Variants in LAMA5 observed in about 807,000 individuals in gnomAD.
LAMA5 encodes laminin subunit alpha-5.
In LAMA5, 260 loss-of-function variants were observed where a neutral mutation model predicts 433.4. The ratio of observed to expected loss-of-function variants is 0.60; its 90% CI spans 0.54 to 0.66. LAMA5 has a LOEUF of 0.66. Ranked by LOEUF, LAMA5 falls within the 30% of genes least tolerant of loss-of-function variation. The pLI is 0.00. For missense variants in LAMA5, 5,378 were observed against 5,258.5 expected, an observed-to-expected ratio of 1.02 and a Z score of -0.70; for synonymous variants, 2,620 against 2,226.6, an observed-to-expected ratio of 1.18 and a Z score of -4.97.
At chr20:62,337,976 T>C (rs1568952450) in intron 14 of LAMA5, 38 bp from the exon 15 acceptor site, 1 of 1,596,658 alleles carries the variant, frequency 6.3e-7, no homozygotes, top group South Asian at 1.1e-5. Context: ...TGGCGCCATG[T>C]GGGTGGCAGA....
In LAMA5 at chr20:62,312,439, G is replaced by A. The variant is rs759232226; in HGVS notation, c.9321C>T (p.Asn3107=). 8 of 1,598,052 alleles carry A rather than the reference G, an allele frequency of 5.0e-6. No homozygotes were observed. In the Admixed American group the frequency reaches 1.2e-4, roughly 23 times the overall value. Residue 3107 remains asparagine, a synonymous_variant, in exon 68 of 80, where the codon AAC becomes AAT. Coordinates refer to ENST00000252999, the MANE Select transcript of LAMA5 (RefSeq NM_005560.6). ...LGKYVDLKRL[N]TTGVSAGCTA... is the part of the protein sequence containing the mutation. The stretch of plus-strand genomic sequence containing the variant: ...TGCAGCCGGCGCTCACGCCTGTCGT[G>A]TTCAGCCGCTTGAGGTCCACATACT...
chr20:62,348,123 G>A (rs1414576168), intron 6 of LAMA5, among the ~76,000 whole-genome samples: 1 of 152,156 alleles, frequency 6.6e-6, no homozygotes, highest in African/African-American at 2.4e-5. Flanking sequence ...CGATACCCTG[G>A]GGTGTATAGC....
intron 1 of LAMA5, among the ~76,000 whole-genome samples, chr20:62,365,741 G>A (rs1328898013): frequency 6.6e-6 from 1 of 152,196 alleles, no homozygotes; most frequent in African/African-American, 2.4e-5. Context: ...TGGCTGGGGG[G>A]CTCCAAGCAG....
intron 2 of LAMA5, among the ~76,000 whole-genome samples, chr20:62,358,068 A>C (rs561762729): frequency 6.6e-6 from 1 of 152,088 alleles, no homozygotes; most frequent in African/African-American, 2.4e-5. Context: ...CAGACAGAAA[A>C]CAGGAAGCCT....
Position 62,326,974 on chromosome 20 carries a change from C to T in LAMA5, c.5113-8G>A. ...CCCACCGTAGGATGACACCTGGAGG[C>T]AGGACAGACAGAGGTGACCTGGCCA... On this transcript the variant is annotated splice_region_variant and splice_polypyrimidine_tract_variant and intron_variant, in intron 38 of 79. Coordinates refer to ENST00000252999, the MANE Select transcript of LAMA5 (RefSeq NM_005560.6). 2 of 1,585,574 alleles carry T rather than the reference C, an allele frequency of 1.3e-6. No homozygotes were observed. The highest frequency in any genetic ancestry group is 1.7e-6 in the Non-Finnish European group (2 of 1,159,076).
rs1244372682 is a variant in LAMA5 at position 62,345,811 on chromosome 20, C to T, written c.1477+7G>A. 6 of 1,549,914 alleles carry T rather than the reference C, an allele frequency of 3.9e-6. No homozygotes were observed. Among genetic ancestry groups the T allele is most frequent in the South Asian group, 2.4e-5 (2 of 83,970 alleles). ...GCCGGGGACCTGGGGGCCTCAAGGA[C>T]ACTTACTCACAATCTGGCCGGCTGG... On this transcript the variant is annotated splice_region_variant and intron_variant, in intron 11 of 79. Coordinates refer to ENST00000252999, the MANE Select transcript of LAMA5 (RefSeq NM_005560.6).
chr20:62,315,125 C>G lies in LAMA5; in HGVS notation c.7950G>C (p.Leu2650=), dbSNP rs541243856. 3.7e-6 allele frequency: 6 copies of G among 1,609,560 alleles called. No homozygotes were observed. The highest frequency in any genetic ancestry group is 5.1e-6 in the Non-Finnish European group (6 of 1,179,796). The change falls in exon 59 of 80, where the codon CTG becomes CTC. Residue 2650 remains leucine (L), a synonymous_variant. Coordinates refer to ENST00000252999, the MANE Select transcript of LAMA5 (RefSeq NM_005560.6). ...QDTATRVQSQ[L]QAMQENVERW... is the part of the protein sequence containing the mutation. ...GCTCCACATTCTCCTGCATGGCCTGCAGCTGGGACTGCACACGGGTGGCGG... is the reference window on the plus strand; with the variant it reads ...GCTCCACATTCTCCTGCATGGCCTGGAGCTGGGACTGCACACGGGTGGCGG...
Position 62,318,978 on chromosome 20 carries a change from T to G in LAMA5, c.6907A>C (p.Asn2303His). 6.3e-7 allele frequency: 1 copy of G among 1,593,722 alleles called. No individual in the cohort carries two copies. Among genetic ancestry groups the G allele is most frequent in the Non-Finnish European group, 8.5e-7 (1 of 1,172,318 alleles). Residue 2303 changes from asparagine to histidine, a missense_variant, in exon 52 of 80, where the codon AAT becomes CAT. Transcript: ENST00000252999. ...MSQTGHLGLANASAPSGEQLL... is the reference protein window; with the variant it reads ...MSQTGHLGLAHASAPSGEQLL... ...TGCTCACCTGATGGAGCCGAGGCATTGGCCAGCCCCAGGTGGCCCGTCTGG... is the reference window on the plus strand; with the variant it reads ...TGCTCACCTGATGGAGCCGAGGCATGGGCCAGCCCCAGGTGGCCCGTCTGG...
At chr20:62,347,139 T>C (rs1983522537) in intron 6 of LAMA5, 111 bp from the exon 7 acceptor site, 4 of 752,778 alleles carry the variant, frequency 5.3e-6, no homozygotes, top group Non-Finnish European at 8.8e-6. Flanking sequence ...GCTTGCCACA[T>C]GGACACGGCC....
In LAMA5 at chr20:62,316,886, C is replaced by T; in HGVS notation, c.7649G>A (p.Trp2550Ter). The T allele has an allele frequency of 6.5e-7, 1 of 1,531,432 alleles. No individual in the cohort carries two copies. Among genetic ancestry groups the T allele is most frequent in the Non-Finnish European group, 8.8e-7 (1 of 1,138,188 alleles). 94.9% of individuals were successfully genotyped at this position (1,531,432 alleles called of 1,614,324 possible). A position where few individuals can be genotyped will look rare whatever the true frequency, so the allele number is the denominator to read the frequency against. ...GQALQQADHT[W>*]ATVVRQGLVD... ...AGGGGAAGTGAGGGGCCTCACCGCC[C>T]ACGTGTGGTCCGCCTGCTGCAGGGC... The change falls in exon 56 of 80, where the codon TGG becomes TAG. Residue 2550 changes from tryptophan to a stop codon, truncating the protein, a stop_gained. Coordinates refer to ENST00000252999, the MANE Select transcript of LAMA5 (RefSeq NM_005560.6). LOFTEE classifies it high-confidence loss of function.
In LAMA5 at chr20:62,309,824, C is replaced by T. The variant is rs77106948; in HGVS notation, c.10840G>A (p.Gly3614Arg). The T allele has an allele frequency of 2.3e-5, 37 of 1,611,428 alleles. No individual in the cohort carries two copies. The highest frequency in any genetic ancestry group is 2.7e-5 in the Non-Finnish European group (32 of 1,179,576). ...TCCACCTCCAGCCGGAGCACATTCCCGCTTTTCATCACTGGGAGAAAGGGG... is the reference window on the plus strand; with the variant it reads ...TCCACCTCCAGCCGGAGCACATTCCTGCTTTTCATCACTGGGAGAAAGGGG... ...QWHRLAVMKS[G>R]NVLRLEVDAQ... The change falls in exon 79 of 80, where the codon GGG becomes AGG. Residue 3614 changes from glycine (G) to arginine (R), a missense_variant. Coordinates refer to ENST00000252999, the MANE Select transcript of LAMA5 (RefSeq NM_005560.6).
chr20:62,337,104 C>T, intron 16 of LAMA5: 1 of 599,182 alleles, frequency 1.7e-6, no homozygotes, highest in Non-Finnish European at 3.2e-6. Flanking sequence ...GCACCCACTA[C>T]ACGTGCACTA....
intron 40 of LAMA5, chr20:62,326,334 A>T (rs1979291399): frequency 8.8e-6 from 2 of 226,896 alleles, no homozygotes; most frequent in Non-Finnish European, 1.7e-5. Flanking sequence ...ATAACAAAGA[A>T]CTCTAAAAGG....
chr20:62,314,104 CGGGTGGCGAGTGGGCACAGAGACGAG>C, intron 62 of LAMA5, among the ~76,000 whole-genome samples, 174 bp downstream of exon 62: 1 of 14,068 alleles, frequency 7.1e-5, no homozygotes, highest in African/African-American at 2.4e-4. Context: ...TGGGCACAGA[CGGGTGGCGAGTGGGCACAGAGACGAG>C]GGGTGGCGAG....
At chr20:62,339,036 C>A (rs999078074) in intron 11 of LAMA5, among the ~76,000 whole-genome samples, 287 of 125,248 alleles carry the variant, frequency 2.3e-3, no homozygotes, top group Middle Eastern at 8.5e-3. Flanking sequence ...GACTCCGTCT[C>A]AAAAAAAAAA....
At position 62,312,882 on chromosome 20, in the gene LAMA5, C is replaced by A; in HGVS notation, c.9078+6G>T. The stretch of plus-strand genomic sequence containing the variant: ...CCTGCCACCCTGGTCCCCACCCTGG[C>A]CCTACCGCCTTGCTGGCCGAGGTCA... On this transcript the variant is annotated splice_donor_region_variant and intron_variant, in intron 66 of 79. Transcript: ENST00000252999. The A allele has an allele frequency of 6.3e-7, 1 of 1,592,024 alleles. No homozygotes were observed. Among genetic ancestry groups the A allele is most frequent in the Non-Finnish European group, 8.6e-7 (1 of 1,167,918 alleles).
chr20:62,311,098 G>C lies in LAMA5; in HGVS notation c.10089-4C>G. On this transcript the variant is annotated splice_polypyrimidine_tract_variant and splice_region_variant and intron_variant, in intron 73 of 79. Coordinates refer to ENST00000252999, the MANE Select transcript of LAMA5 (RefSeq NM_005560.6). The stretch of plus-strand genomic sequence containing the variant: ...GACGTGCATGGAGAGACTGGGCCTG[G>C]AAGCGGAGCTGGCGTCAGCCTGCGC... 2 of 1,571,168 alleles carry C rather than the reference G, an allele frequency of 1.3e-6. No homozygotes were observed. The highest frequency in any genetic ancestry group is 1.7e-6 in the Non-Finnish European group (2 of 1,156,352).
rs1318201776 is a variant in LAMA5, at chr20:62,320,795, T to G, written c.6592A>C (p.Ser2198Arg). 4 of 1,612,636 alleles carry G rather than the reference T, an allele frequency of 2.5e-6. No individual in the cohort carries two copies. The highest frequency in any genetic ancestry group is 3.4e-6 in the Non-Finnish European group (4 of 1,179,906). Residue 2198 changes from serine (S) to arginine (R), a missense_variant, in exon 49 of 80, where the codon AGC becomes CGC. Physicochemically the swap from Ser to Arg is moderately radical, Grantham distance 110. Transcript: ENST00000252999. ...TGCAGACGGGCCCAGGCCATGGAGC[T>G]GGCATTGATGCCACGCAGTTGCTCG... is the stretch of plus-strand genomic sequence containing the variant. ...IHEQLRGINA[S>R]SMAWARLHRL...
rs753870735 is a variant in LAMA5 at position 62,352,023 on chromosome 20, C to G, written c.744G>C (p.Pro248=). Residue 248 remains proline, a synonymous_variant, in exon 5 of 80, where the codon CCG becomes CCC. Transcript: ENST00000252999. ...TGGCCTTGGTGAACTCACGTAGCAGCGGCGAGTAGGAGAAATTCATGGCGC... is the reference window on the plus strand; with the variant it reads ...TGGCCTTGGTGAACTCACGTAGCAGGGGCGAGTAGGAGAAATTCATGGCGC... ...RPGAMNFSYS[P]LLREFTKATN... 26 of 1,612,654 alleles carry G rather than the reference C, an allele frequency of 1.6e-5. No individual in the cohort carries two copies. Among genetic ancestry groups the G allele is most frequent in the Non-Finnish European group, 2.2e-5 (26 of 1,179,934 alleles).
Sources: allele counts gnomAD v4.1 joint callset (sites outside exome capture counted in the v4.1 genomes callset), GRCh38; gene constraint gnomAD v4.1.1; transcripts MANE v1.5; gene names NCBI Gene and HGNC (gene_info 2026-07-23, HGNC 2026-07-21).